ZC3HC1: variants seen among roughly 807,000 people sequenced by gnomAD.
ZC3HC1 encodes the protein zinc finger C3HC-type protein 1.
ZC3HC1 carries 38 observed loss-of-function variants against 61.9 expected under a neutral mutation model. That is an observed-to-expected ratio of 0.61 (90% CI 0.47 to 0.81). The LOEUF (loss-of-function observed/expected upper bound fraction) is 0.81, where lower values mean the gene tolerates loss of function less well. ZC3HC1 is among the 30% of genes least tolerant of loss of function. The probability of loss-of-function intolerance (pLI) is 0.00; values close to 1 mark genes in which losing one functional copy is unlikely to be tolerated. For synonymous variants in ZC3HC1, 213 were observed against 229.9 expected (o/e 0.93, Z 0.67); for missense variants, 554 against 622.7 (o/e 0.89, Z 1.17).
At chr7:130,028,736 A>G (rs562089488) in intron 5 of ZC3HC1, among the ~76,000 whole-genome samples, 166 bp downstream of exon 5, 345 of 152,324 alleles carry the variant, frequency 2.3e-3, no homozygotes, top group South Asian at 0.014. Context: ...ATTCAAATGG[A>G]ACTCTCAACT....
chr7:130,039,152 T>G (rs1584586127), intron 4 of ZC3HC1: 1 of 263,932 alleles, frequency 3.8e-6, no homozygotes, highest in East Asian at 8.2e-5. Context: ...CGAGACCAGA[T>G]TGACCAACAT....
intron 4 of ZC3HC1, among the ~76,000 whole-genome samples, chr7:130,033,157 C>T (rs1050381244): frequency 1.3e-5 from 2 of 152,022 alleles, no homozygotes; most frequent in African/African-American, 4.8e-5. Context: ...CTCAGCTTCC[C>T]GAGTAGCTGG....
In ZC3HC1 at chr7:130,022,437, C is replaced by T; in HGVS notation, c.1322G>A (p.Arg441Lys). 1 of 1,611,890 alleles carries T rather than the reference C, an allele frequency of 6.2e-7. No individual in the cohort carries two copies. Among genetic ancestry groups the T allele is most frequent in the Non-Finnish European group, 8.5e-7 (1 of 1,178,884 alleles). ...WVNITLGKES[R>K]ENGGTEPDAS... Reference sequence around the variant, plus strand: ...ATCTGGTTCAGTTCCACCATTCTCCCTGCTTTCTTTGCCAAGTGTGATATT... The same window carrying T: ...ATCTGGTTCAGTTCCACCATTCTCCTTGCTTTCTTTGCCAAGTGTGATATT... The change falls in exon 9 of 10, where the codon AGG becomes AAG. Residue 441 changes from arginine (R) to lysine (K), a missense_variant. Physicochemically the swap from Arg to Lys is conservative, Grantham distance 26 (BLOSUM62 2). Transcript: ENST00000358303.
At chr7:130,050,479 G>C (rs945318522) in intron 1 of ZC3HC1, 30 of 1,517,726 alleles carry the variant, frequency 2.0e-5, no homozygotes, top group Admixed American at 4.3e-5. Context: ...AGCCTCAAGC[G>C]GGTGTGGTTC....
rs1156887820 is a variant in ZC3HC1 at position 130,018,339 on chromosome 7, A to G, written c.*325T>C. ...ACACACTGTCATAGTCCTAGGATAGAAGAGTCCTCAGAACACTGCTCCACA... is the reference window on the plus strand; with the variant it reads ...ACACACTGTCATAGTCCTAGGATAGGAGAGTCCTCAGAACACTGCTCCACA... On this transcript the variant is annotated 3_prime_UTR_variant, in exon 10 of 10. Coordinates refer to ENST00000358303, the MANE Select transcript of ZC3HC1 (RefSeq NM_016478.5). The G allele has an allele frequency of 3.9e-6, 1 of 254,098 alleles. No individual in the cohort carries two copies. Among genetic ancestry groups the G allele is most frequent in the Non-Finnish European group, 7.4e-6 (1 of 134,278 alleles). The allele number at this position is 254,098 out of a possible 1,614,324, so 15.7% of individuals were successfully genotyped here.
intron 6 of ZC3HC1, 92 bp downstream of exon 6, chr7:130,026,066 C>T: frequency 1.4e-6 from 2 of 1,408,040 alleles, no homozygotes; most frequent in Middle Eastern, 1.9e-4. Flanking sequence ...CGGGAAACAC[C>T]ATGTGATTTC....
At chr7:130,020,504 C>G (rs530793175) in intron 9 of ZC3HC1, among the ~76,000 whole-genome samples, 34 of 151,704 alleles carry the variant, frequency 2.2e-4, no homozygotes, top group African/African-American at 8.0e-4. Context: ...TCAGGTGATT[C>G]CCCTGCGTCA....
At chr7:130,020,668 G>A (rs1160013759) in intron 9 of ZC3HC1, among the ~76,000 whole-genome samples, 2 of 149,796 alleles carry the variant, frequency 1.3e-5, no homozygotes, top group African/African-American at 4.9e-5. Context: ...ACACACTACC[G>A]AAAAAAAAAG....
intron 4 of ZC3HC1, among the ~76,000 whole-genome samples, chr7:130,035,268 G>A (rs975076255): frequency 2.6e-5 from 4 of 151,612 alleles, no homozygotes; most frequent in African/African-American, 9.7e-5. Flanking sequence ...GCATGCACCT[G>A]TAATCCCAGG....
At chr7:130,050,540 C>T in intron 1 of ZC3HC1, 1 of 1,406,080 alleles carries the variant, frequency 7.1e-7, no homozygotes, top group Non-Finnish European at 9.3e-7. Context: ...GTAAAAATGA[C>T]ATTTATTTCT....
chr7:130,039,375 G>A (rs771561526), intron 4 of ZC3HC1, 89 bp downstream of exon 4: 2 of 1,070,024 alleles, frequency 1.9e-6, no homozygotes, highest in Admixed American at 2.6e-5. Context: ...GAAAAAGAAA[G>A]TTCAAAGACT....
intron 4 of ZC3HC1, among the ~76,000 whole-genome samples, chr7:130,038,843 G>C (rs1304656848): frequency 7.7e-6 from 1 of 130,498 alleles, no homozygotes; most frequent in Non-Finnish European, 1.6e-5. Context: ...CTGGGTGAAA[G>C]AGCGAGGCTC....
At chr7:130,044,415 T>C (rs1279505953) in intron 2 of ZC3HC1, among the ~76,000 whole-genome samples, 1 of 152,122 alleles carries the variant, frequency 6.6e-6, no homozygotes, top group African/African-American at 2.4e-5. Context: ...AAATACAAGA[T>C]AAGCCGAGAA....
chr7:130,030,911 G>A (rs376196284), intron 4 of ZC3HC1, among the ~76,000 whole-genome samples: 1 of 148,276 alleles, frequency 6.7e-6, no homozygotes, highest in Non-Finnish European at 1.5e-5. Flanking sequence ...CTCATGATCC[G>A]CCTGCCTCGG....
chr7:130,041,541 T>TTC (rs1794673870), intron 2 of ZC3HC1, among the ~76,000 whole-genome samples: 1 of 150,640 alleles, frequency 6.6e-6, no homozygotes, highest in South Asian at 2.1e-4. Context: ...TTTTTTTTTT[T>TTC]CAAGACAGAG....
intron 8 of ZC3HC1, 123 bp from the exon 9 acceptor site, chr7:130,022,648 C>T: frequency 9.7e-7 from 1 of 1,033,724 alleles, no homozygotes; most frequent in South Asian, 1.5e-5. Context: ...TTTATGCTCT[C>T]CTTCAAACTT....
At chr7:130,026,026 C>A (rs571763414) in intron 6 of ZC3HC1, 132 bp downstream of exon 6, 2 of 1,039,408 alleles carry the variant, frequency 1.9e-6, no homozygotes, top group East Asian at 2.5e-5. Flanking sequence ...CACCATCCCC[C>A]ACCCAGTTTT....
At position 130,024,407 on chromosome 7, in the gene ZC3HC1, A is replaced by G; in HGVS notation, c.876T>C (p.Thr292=). 2 of 1,614,166 alleles carry G rather than the reference A, an allele frequency of 1.2e-6. No individual in the cohort carries two copies. Among genetic ancestry groups the G allele is most frequent in the Non-Finnish European group, 8.5e-7 (1 of 1,180,038 alleles). ...WGFQQIESSM[T]DLDASFGLTS... is the part of the protein sequence containing the mutation. ...TCAGGCCAAAGGATGCATCCAGGTC[A>G]GTCATGGACGATTCAATCTGCTGGA... The change falls in exon 7 of 10, where the codon ACT becomes ACC. Residue 292 remains threonine, a synonymous_variant. Coordinates refer to ENST00000358303, the MANE Select transcript of ZC3HC1 (RefSeq NM_016478.5).
chr7:130,024,112 C>T, intron 7 of ZC3HC1, 151 bp downstream of exon 7: 1 of 1,174,914 alleles, frequency 8.5e-7, no homozygotes, highest in Admixed American at 2.7e-5. Context: ...ATTTAGCTTC[C>T]CCATTAGTGA....
Sources: allele counts gnomAD v4.1 joint callset (sites outside exome capture counted in the v4.1 genomes callset), GRCh38; gene constraint gnomAD v4.1.1; transcripts MANE v1.5; gene names NCBI Gene and HGNC (gene_info 2026-07-23, HGNC 2026-07-21).